Variants in TRIO observed in about 807,000 individuals in gnomAD.
TRIO encodes triple functional domain protein.
Under a neutral mutation model 351.9 loss-of-function variants are expected in TRIO, and 58 were observed. That is an observed-to-expected ratio of 0.16 (90% confidence interval 0.13 to 0.21). TRIO has a LOEUF of 0.21. Among genes scored for constraint, TRIO ranks in the 10% least tolerant of loss-of-function variants. The pLI is 1.00. For missense variants in TRIO, 3,201 were observed against 4,027.8 expected, an observed-to-expected ratio of 0.79 and a Z score of 5.56; for synonymous variants, 1,758 against 1,595.7, an observed-to-expected ratio of 1.10 and a Z score of -2.42.
At chr5:14,482,285 G>A (rs930202820) in intron 45 of TRIO, 2 of 198,084 alleles carry the variant, frequency 1.0e-5, no homozygotes, top group African/African-American at 2.3e-5. Flanking sequence ...GCGACCCAGG[G>A]ACCACACTTT....
At chr5:14,175,590 A>G (rs999127819) in intron 1 of TRIO, among the ~76,000 whole-genome samples, 1 of 152,206 alleles carries the variant, frequency 6.6e-6, no homozygotes, top group Non-Finnish European at 1.5e-5. Context: ...ATATTTTGCA[A>G]GCTTGTGTTT....
intron 1 of TRIO, among the ~76,000 whole-genome samples, chr5:14,189,320 A>G (rs1790321091): frequency 6.6e-6 from 1 of 152,216 alleles, no homozygotes; most frequent in Admixed American, 6.5e-5. Flanking sequence ...GAAGTACTTA[A>G]TACCTTGAAT....
intron 45 of TRIO, 27 bp downstream of exon 45, chr5:14,481,645 A>C: frequency 6.2e-7 from 1 of 1,611,026 alleles, no homozygotes; most frequent in Non-Finnish European, 8.5e-7. Context: ...TTTTTAAGAG[A>C]GCTCCTCTGC....
At chr5:14,462,333 C>A (rs1753890655) in intron 35 of TRIO, among the ~76,000 whole-genome samples, 2 of 152,166 alleles carry the variant, frequency 1.3e-5, no homozygotes, top group Non-Finnish European at 2.9e-5. Context: ...GCTTAAAATG[C>A]ATCTTGGATT....
chr5:14,186,425 AG>A (rs1790114649), intron 1 of TRIO, among the ~76,000 whole-genome samples: 1 of 152,168 alleles, frequency 6.6e-6, no homozygotes, highest in Non-Finnish European at 1.5e-5. Context: ...TGGAAGTGAA[AG>A]GCCCCGATGG....
chr5:14,379,178 TC>T (rs1371164882), intron 20 of TRIO, among the ~76,000 whole-genome samples: 1 of 152,024 alleles, frequency 6.6e-6, no homozygotes, highest in Non-Finnish European at 1.5e-5. Flanking sequence ...TGCCTTAAAG[TC>T]CCCCAGGGCA....
At chr5:14,263,849 A>T (rs1795494283) in intron 1 of TRIO, among the ~76,000 whole-genome samples, 1 of 152,228 alleles carries the variant, frequency 6.6e-6, no homozygotes, top group South Asian at 2.1e-4. Flanking sequence ...TTACAGGGAC[A>T]TGCACAGACA....
chr5:14,490,694 A>C, intron 48 of TRIO: 1 of 424,478 alleles, frequency 2.4e-6, no homozygotes, highest in South Asian at 1.7e-5. Flanking sequence ...ATTAAGCAGG[A>C]TAGACTTGAA....
intron 8 of TRIO, among the ~76,000 whole-genome samples, chr5:14,309,162 A>T (rs931468650): frequency 7.1e-6 from 1 of 140,182 alleles, no homozygotes; most frequent in African/African-American, 2.7e-5. Flanking sequence ...TATCTGTATT[A>T]AAAATACATG....
chr5:14,417,164 A>G (rs1749717614), intron 33 of TRIO, among the ~76,000 whole-genome samples: 2 of 152,210 alleles, frequency 1.3e-5, no homozygotes, highest in South Asian at 2.1e-4. Flanking sequence ...AGCTTTTAAC[A>G]TTAGCATCTT....
In TRIO at chr5:14,178,579, C is replaced by G. The variant is rs561553615; in HGVS notation, c.157+34697C>G. On this transcript the variant is annotated intron_variant, in intron 1 of 56. Coordinates refer to ENST00000344204, the MANE Select transcript of TRIO (RefSeq NM_007118.4). ...GGTGTTACCAATAATTATTCTAGAA[C>G]AGTAGGGGTAAACTGAGACTGTGTC... Among the ~76,000 whole-genome samples the G allele has an allele frequency of 2.6e-5, 4 of 152,268 alleles. No homozygotes were observed. In the East Asian group the frequency reaches 7.7e-4, roughly 29 times the overall value.
intron 1 of TRIO, among the ~76,000 whole-genome samples, chr5:14,220,309 T>A (rs1372363165): frequency 6.6e-6 from 1 of 152,176 alleles, no homozygotes; most frequent in Non-Finnish European, 1.5e-5. Flanking sequence ...TCAGTAAGTG[T>A]GTGTGTTCTG....
At chr5:14,169,009 C>T (rs940771327) in intron 1 of TRIO, among the ~76,000 whole-genome samples, 1 of 152,132 alleles carries the variant, frequency 6.6e-6, no homozygotes, top group African/African-American at 2.4e-5. Context: ...CATGGAGCCT[C>T]TACTTAGGGG....
At chr5:14,302,417 G>A (rs1737982672) in intron 7 of TRIO, among the ~76,000 whole-genome samples, 1 of 152,108 alleles carries the variant, frequency 6.6e-6, no homozygotes, top group Admixed American at 6.5e-5. Flanking sequence ...ATTTGTGTTT[G>A]AAAAACAATA....
chr5:14,193,555 C>T (rs1299066692), intron 1 of TRIO, among the ~76,000 whole-genome samples: 1 of 152,142 alleles, frequency 6.6e-6, no homozygotes, highest in East Asian at 1.9e-4. Flanking sequence ...GTAATGGAAT[C>T]ATTCCGTCAT....
intron 9 of TRIO, among the ~76,000 whole-genome samples, chr5:14,322,558 A>G (rs1739982058): frequency 6.6e-6 from 1 of 152,214 alleles, no homozygotes. Context: ...CTCAGGCCCC[A>G]GCCTATTTCT....
At chr5:14,443,329 G>A (rs116523954) in intron 34 of TRIO, among the ~76,000 whole-genome samples, 2,505 of 152,124 alleles carry the variant, frequency 0.016, 57 homozygotes, top group African/African-American at 0.058. Context: ...GTGCATATGC[G>A]TGTGTGTGTA....
At chr5:14,386,812 C>G (rs1478306727) in intron 21 of TRIO, among the ~76,000 whole-genome samples, 1 of 152,032 alleles carries the variant, frequency 6.6e-6, no homozygotes, top group Non-Finnish European at 1.5e-5. Context: ...AGAGAGCTCT[C>G]AAACAGGGAA....
At chr5:14,419,341 G>A (rs544302140) in intron 33 of TRIO, among the ~76,000 whole-genome samples, 35 of 152,222 alleles carry the variant, frequency 2.3e-4, no homozygotes, top group South Asian at 8.3e-4. Context: ...GTTCAGTCCC[G>A]TTCTTGTGGC....
Sources: gnomAD v4.1 joint callset for allele counts (sites outside exome capture counted in the v4.1 genomes callset) on GRCh38, gnomAD v4.1.1 for gene constraint, MANE v1.5 for transcripts, NCBI Gene and HGNC (gene_info 2026-07-23, HGNC 2026-07-21) for gene names.